Variants in GAL3ST2 observed in about 807,000 individuals in gnomAD.
GAL3ST2 encodes galactose-3-O-sulfotransferase 2.
GAL3ST2 carries 16 observed loss-of-function variants against 12.9 expected under a neutral mutation model. The ratio of observed to expected loss-of-function variants is 1.24; its 90% CI spans 0.84 to 1.88. The LOEUF (loss-of-function observed/expected upper bound fraction) is 1.88. Among genes scored for constraint, GAL3ST2 ranks in the 40% most tolerant of loss-of-function variants. GAL3ST2 has a pLI of 0.00. For missense variants in GAL3ST2, 639 were observed against 571.8 expected, an observed-to-expected ratio of 1.12 and a Z score of -1.20; for synonymous variants, 302 against 273.9, an observed-to-expected ratio of 1.10 and a Z score of -1.01.
Position 241,785,613 on chromosome 2 carries a change from GGAA to G in GAL3ST2, c.29+8630_29+8632del, listed in dbSNP as rs369244891. On this transcript the variant is annotated intron_variant, in intron 1 of 3. Coordinates refer to ENST00000192314, the MANE Select transcript of GAL3ST2 (RefSeq NM_022134.3). Reference sequence around the variant, plus strand: ...CTGTTTACACATTTGGGGTTCCATGGGAACCCAAAGGGAGTCTGGCACCTTCTT... The same window carrying G: ...CTGTTTACACATTTGGGGTTCCATGGCCCAAAGGGAGTCTGGCACCTTCTT... Among the ~76,000 whole-genome samples the G allele has an allele frequency of 4.0e-4, 61 of 151,640 alleles. 2 individuals carry two copies. Among genetic ancestry groups the G allele is most frequent in the African/African-American group, 1.4e-3 (58 of 41,344 alleles).
chr2:241,778,896 G>A (rs910745234), intron 1 of GAL3ST2, among the ~76,000 whole-genome samples: 4 of 152,086 alleles, frequency 2.6e-5, no homozygotes, highest in African/African-American at 9.7e-5. Context: ...GCATTCTTTT[G>A]AGTTTCTGAT....
chr2:241,797,773 T>G (rs756471548), intron 1 of GAL3ST2, among the ~76,000 whole-genome samples: 7 of 152,210 alleles, frequency 4.6e-5, no homozygotes, highest in Non-Finnish European at 7.3e-5. Flanking sequence ...CCTGCTGTTC[T>G]AGCACCCCCA....
intron 1 of GAL3ST2, among the ~76,000 whole-genome samples, chr2:241,777,295 G>C (rs940642342): frequency 6.6e-6 from 1 of 152,198 alleles, no homozygotes; most frequent in African/African-American, 2.4e-5. Context: ...GGGAGGGTGA[G>C]ACCTGCTGGG....
intron 1 of GAL3ST2, among the ~76,000 whole-genome samples, chr2:241,783,811 C>CA (rs1699596199): frequency 6.6e-6 from 1 of 152,196 alleles, no homozygotes; most frequent in Non-Finnish European, 1.5e-5. Context: ...TTCTAACCTC[C>CA]AGGCCATCCT....
intron 1 of GAL3ST2, among the ~76,000 whole-genome samples, chr2:241,787,975 C>T (rs73011956): frequency 0.1 from 15,389 of 152,132 alleles, 866 homozygotes; most frequent in Middle Eastern, 0.15. Context: ...GGGGGAAGAA[C>T]GATCAAACAT....
At chr2:241,790,451 A>G (rs1699681868) in intron 1 of GAL3ST2, among the ~76,000 whole-genome samples, 1 of 152,180 alleles carries the variant, frequency 6.6e-6, no homozygotes, top group Admixed American at 6.5e-5. Context: ...GTATACTCCT[A>G]TGAACAAAAT....
chr2:241,784,289 T>G (rs1699602363), intron 1 of GAL3ST2, among the ~76,000 whole-genome samples: 1 of 152,196 alleles, frequency 6.6e-6, no homozygotes, highest in African/African-American at 2.4e-5. Context: ...TGCCTCGGCC[T>G]CCCAAAGTGC....
Position 241,804,053 on chromosome 2 carries a change from AC to A in GAL3ST2, c.1085del (p.Thr362SerfsTer9), listed in dbSNP as rs773802507. Reference protein sequence around the residue: ...YNLRPGLDNQTLGVCQRLVMP... With the variant: ...YNLRPGLDNQXLGVCQRLVMP... ...CCTCCGGCCGGGCCTGGACAACCAG[AC>A]GCTGGGCGTGTGCCAGAGGCTTGTG... On this transcript the variant is annotated frameshift_variant, in exon 4 of 4. Transcript: ENST00000192314. LOFTEE classifies it low-confidence loss of function (END_TRUNC). The A allele has an allele frequency of 3.2e-6, 5 of 1,558,062 alleles. No individual in the cohort carries two copies. The African/African-American group carries it at 6.9e-5, about 21-fold the overall frequency.
intron 1 of GAL3ST2, among the ~76,000 whole-genome samples, chr2:241,798,391 G>A (rs535070794): frequency 1.3e-5 from 2 of 152,328 alleles, no homozygotes; most frequent in Non-Finnish European, 2.9e-5. Flanking sequence ...CCAGCATGGC[G>A]GGTTCCTGGG....
In GAL3ST2 at chr2:241,801,847, G is replaced by A. The variant is rs971138251; in HGVS notation, c.186G>A (p.Thr62=). The change falls in exon 3 of 4, where the codon ACG becomes ACA. Residue 62 remains threonine (T), a synonymous_variant. Transcript: ENST00000192314. The surrounding 1 kb of genome is among the most constrained non-coding windows in gnomAD (Gnocchi z 4.4). ...TNIMFLKTHK[T]ASSTVLNILY... ...TCATGTTCCTGAAGACGCACAAGAC[G>A]GCCAGCAGCACGGTGCTCAACATCC... 6.8e-6 allele frequency: 11 copies of A among 1,612,960 alleles called. No homozygotes were observed. The highest frequency in any genetic ancestry group is 3.3e-4 in the Middle Eastern group (2 of 6,062).
At chr2:241,786,717 T>C (rs1303927553) in intron 1 of GAL3ST2, among the ~76,000 whole-genome samples, 1 of 152,156 alleles carries the variant, frequency 6.6e-6, no homozygotes, top group Non-Finnish European at 1.5e-5. Context: ...CAGCAAATTG[T>C]CCTATTGGTT....
chr2:241,779,986 C>CAA (rs375396600), intron 1 of GAL3ST2, among the ~76,000 whole-genome samples: 12 of 123,114 alleles, frequency 9.7e-5, no homozygotes, highest in African/African-American at 9.1e-5. Context: ...AATCCCGTCT[C>CAA]AAAAAAAAAA....
intron 1 of GAL3ST2, among the ~76,000 whole-genome samples, chr2:241,778,250 T>C (rs1018581523): frequency 1.3e-5 from 2 of 152,030 alleles, no homozygotes; most frequent in African/African-American, 4.8e-5. Flanking sequence ...GGCCTGTGGG[T>C]GGAACAAATC....
Position 241,776,906 on chromosome 2 carries a change from CG to C in GAL3ST2, c.-45del. On this transcript the variant is annotated 5_prime_UTR_variant, in exon 1 of 4. Transcript: ENST00000192314. ...GGCAGGGGCCGAGGCGGTGGGACCTCGGGGGAGCTCAAGCCTCGACTGTCCC... is the reference window on the plus strand; with the variant it reads ...GGCAGGGGCCGAGGCGGTGGGACCTCGGGGAGCTCAAGCCTCGACTGTCCC... 1 of 1,432,730 alleles carries C rather than the reference CG, an allele frequency of 7.0e-7. No homozygotes were observed. The highest frequency in any genetic ancestry group is 9.3e-7 in the Non-Finnish European group (1 of 1,080,026). The allele number at this position is 1,432,730 out of a possible 1,614,324, so 88.8% of individuals were successfully genotyped here.
chr2:241,797,886 C>G lies in GAL3ST2; in HGVS notation c.30-1179C>G, dbSNP rs140059875. On this transcript the variant is annotated intron_variant, in intron 1 of 3. Transcript: ENST00000192314. ...CCCCATGCAAAGGCCCCAGTCCAAG[C>G]AGGAAGCTCACCCCTTGTGTCCTCT... is the stretch of plus-strand genomic sequence containing the variant. 5.9e-5 allele frequency among the ~76,000 whole-genome samples: 9 copies of G among 152,336 alleles called. No individual in the cohort carries two copies. The East Asian group carries it at 1.4e-3, about 23-fold the overall frequency.
Position 241,793,755 on chromosome 2 carries a change from T to C in GAL3ST2, c.30-5310T>C, listed in dbSNP as rs1447891332. On this transcript the variant is annotated intron_variant, in intron 1 of 3. Coordinates refer to ENST00000192314, the MANE Select transcript of GAL3ST2 (RefSeq NM_022134.3). The surrounding 1 kb of genome is among the most constrained non-coding windows in gnomAD (Gnocchi z 4.7). ...GTGTGTATATGTATGTGTGTGTGTA[T>C]TGTGTATGTGTAGTGTGTATTATTT... 2.0e-5 allele frequency among the ~76,000 whole-genome samples: 3 copies of C among 151,792 alleles called. No individual in the cohort carries two copies. The highest frequency in any genetic ancestry group is 7.2e-5 in the African/African-American group (3 of 41,422).
intron 1 of GAL3ST2, among the ~76,000 whole-genome samples, chr2:241,788,645 G>A (rs1208772042): frequency 6.6e-6 from 1 of 152,182 alleles, no homozygotes; most frequent in African/African-American, 2.4e-5. Context: ...AGGGGGCCTC[G>A]TGGGAGTGTC....
intron 1 of GAL3ST2, among the ~76,000 whole-genome samples, chr2:241,779,214 A>ATTT (rs56979777): frequency 7.3e-5 from 4 of 54,550 alleles, no homozygotes; most frequent in African/African-American, 2.2e-4. Context: ...AGGAAAGCTC[A>ATTT]TTTTTTTTTT....
chr2:241,787,076 C>T (rs1699635392), intron 1 of GAL3ST2, among the ~76,000 whole-genome samples: 1 of 152,142 alleles, frequency 6.6e-6, no homozygotes, highest in African/African-American at 2.4e-5. Context: ...TCTTATCTAC[C>T]TATGACCTGG....
Sources: allele counts gnomAD v4.1 joint callset (sites outside exome capture counted in the v4.1 genomes callset), GRCh38; gene constraint gnomAD v4.1.1; non-coding constraint Gnocchi (gnomAD v3.1); transcripts MANE v1.5; gene names NCBI Gene and HGNC (gene_info 2026-07-23, HGNC 2026-07-21).